CTNND2: variants seen among roughly 807,000 people sequenced by gnomAD.
CTNND2 encodes catenin delta-2.
Under a neutral mutation model 144.4 loss-of-function variants are expected in CTNND2, and 22 were observed. That is an observed-to-expected ratio of 0.15 (90% CI 0.11 to 0.22). The LOEUF is 0.22. Ranked by LOEUF, CTNND2 falls within the 10% of genes least tolerant of loss-of-function variation. The pLI, the probability that CTNND2 is intolerant of heterozygous loss-of-function variation, is 1.00. For missense variants in CTNND2, 1,353 were observed against 1,618.8 expected (o/e 0.84, Z 2.82); for synonymous variants, 751 against 695.6 (o/e 1.08, Z -1.25).
chr5:10,987,111 TA>T (rs1181847685), intron 20 of CTNND2, among the ~76,000 whole-genome samples: 2 of 152,200 alleles, frequency 1.3e-5, no homozygotes, highest in African/African-American at 2.4e-5. Context: ...GCCCATGTGG[TA>T]AAGAGGATGT....
At position 11,518,115 on chromosome 5, in the gene CTNND2, G is replaced by A. The variant is rs1051867303; in HGVS notation, c.287+46829C>T. The stretch of plus-strand genomic sequence containing the variant: ...ACAACATTTTGGTTAACAATGGGCC[G>A]CATATAAGATGGTGGTCCCATAGAA... On this transcript the variant is annotated intron_variant, in intron 3 of 21. Coordinates refer to ENST00000304623, the MANE Select transcript of CTNND2 (RefSeq NM_001332.4). 1.1e-4 allele frequency among the ~76,000 whole-genome samples: 17 copies of A among 152,268 alleles called. No homozygotes were observed. The South Asian group carries it at 3.5e-3, about 32-fold the overall frequency.
At chr5:11,324,444 A>T (rs73743760) in intron 9 of CTNND2, among the ~76,000 whole-genome samples, 17,048 of 152,180 alleles carry the variant, frequency 0.11, 1,888 homozygotes, top group African/African-American at 0.29. Flanking sequence ...TTAGTAAGCC[A>T]TCATATACTC....
chr5:11,024,734 C>T (rs1742642225), intron 16 of CTNND2, among the ~76,000 whole-genome samples: 1 of 152,146 alleles, frequency 6.6e-6, no homozygotes, highest in African/African-American at 2.4e-5. Flanking sequence ...AAGAATTTGG[C>T]TGTAGCATTT....
At chr5:11,233,827 GT>G (rs1193035574) in intron 10 of CTNND2, among the ~76,000 whole-genome samples, 1 of 152,058 alleles carries the variant, frequency 6.6e-6, no homozygotes, top group Admixed American at 6.6e-5. Context: ...CTTCCTCTGT[GT>G]TTTATTTAAG....
intron 1 of CTNND2, among the ~76,000 whole-genome samples, chr5:11,741,683 C>T (rs575968624): frequency 9.9e-5 from 15 of 151,020 alleles, no homozygotes; most frequent in East Asian, 9.7e-4. Context: ...CAAACCTGCA[C>T]GTTGTACACA....
intron 9 of CTNND2, among the ~76,000 whole-genome samples, chr5:11,322,262 C>T (rs258837): frequency 0.039 from 5,862 of 152,214 alleles, 391 homozygotes; most frequent in African/African-American, 0.13. Context: ...ATTTTCACTT[C>T]ATGTGTTGCA....
At chr5:11,132,197 G>T (rs1219468660) in intron 12 of CTNND2, among the ~76,000 whole-genome samples, 1 of 152,142 alleles carries the variant, frequency 6.6e-6, no homozygotes, top group Non-Finnish European at 1.5e-5. Context: ...CTGCTCACTG[G>T]GGGGCTAAGT....
chr5:11,647,699 G>A (rs994507862), intron 2 of CTNND2, among the ~76,000 whole-genome samples: 9 of 151,902 alleles, frequency 5.9e-5, no homozygotes, highest in South Asian at 4.2e-4. Context: ...AACCATTGGC[G>A]ACCTTCTCAA....
intron 3 of CTNND2, among the ~76,000 whole-genome samples, chr5:11,462,593 C>A (rs1036901655): frequency 6.6e-6 from 1 of 151,060 alleles, no homozygotes; most frequent in Non-Finnish European, 1.5e-5. Context: ...AAACAGGTTA[C>A]GATGAGGAGA....
At chr5:11,376,075 C>T (rs748379829) in intron 7 of CTNND2, among the ~76,000 whole-genome samples, 9 of 152,030 alleles carry the variant, frequency 5.9e-5, no homozygotes, top group Non-Finnish European at 1.3e-4. Flanking sequence ...CAAGAAGGGG[C>T]CATCGATGAG....
chr5:11,851,264 C>CGT (rs1253211407), intron 1 of CTNND2, among the ~76,000 whole-genome samples: 1 of 151,102 alleles, frequency 6.6e-6, no homozygotes, highest in Non-Finnish European at 1.5e-5. Flanking sequence ...CTAATACATG[C>CGT]GTGTGTGTGC....
intron 3 of CTNND2, among the ~76,000 whole-genome samples, chr5:11,530,434 C>G (rs540838960): frequency 2.0e-5 from 3 of 152,248 alleles, no homozygotes; most frequent in Admixed American, 6.5e-5. Context: ...GGGGAAGTCC[C>G]CCTCCCTGCT....
intron 14 of CTNND2, among the ~76,000 whole-genome samples, chr5:11,099,224 A>T (rs930294154): frequency 6.6e-6 from 1 of 152,236 alleles, no homozygotes; most frequent in African/African-American, 2.4e-5. Flanking sequence ...AATTTGTTAC[A>T]TGTATACAAA....
chr5:11,592,884 A>C (rs1779323744), intron 2 of CTNND2, among the ~76,000 whole-genome samples: 1 of 151,440 alleles, frequency 6.6e-6, no homozygotes, highest in Admixed American at 6.6e-5. Context: ...GCAGTCATAA[A>C]GATTGTGTGG....
intron 3 of CTNND2, among the ~76,000 whole-genome samples, chr5:11,492,936 G>T (rs115955459): frequency 0.016 from 2,388 of 151,910 alleles, 59 homozygotes; most frequent in African/African-American, 0.055. Flanking sequence ...GCTAGGTAGG[G>T]TTGTGGGTGC....
chr5:11,326,421 AGG>A (rs1752526110), intron 9 of CTNND2, among the ~76,000 whole-genome samples: 1 of 152,150 alleles, frequency 6.6e-6, no homozygotes, highest in Non-Finnish European at 1.5e-5. Context: ...GAGTCAGGGA[AGG>A]GCCAGTAGAC....
intron 2 of CTNND2, among the ~76,000 whole-genome samples, chr5:11,612,139 CT>C (rs1216571551): frequency 3.3e-5 from 5 of 152,140 alleles, no homozygotes; most frequent in African/African-American, 9.7e-5. Flanking sequence ...TATGATCAGG[CT>C]GATAGATAGG....
chr5:11,851,889 C>T (rs974304594), intron 1 of CTNND2, among the ~76,000 whole-genome samples: 5 of 152,144 alleles, frequency 3.3e-5, no homozygotes, highest in African/African-American at 7.2e-5. Context: ...TAAATGCAGT[C>T]GATGCTTTCT....
intron 1 of CTNND2, among the ~76,000 whole-genome samples, chr5:11,850,110 A>G (rs1794945514): frequency 1.3e-5 from 2 of 152,168 alleles, no homozygotes; most frequent in African/African-American, 2.4e-5. Context: ...TAAAATTACA[A>G]TAAAAAAGTA....
Sources: allele counts gnomAD v4.1 joint callset (sites outside exome capture counted in the v4.1 genomes callset), GRCh38; gene constraint gnomAD v4.1.1; transcripts MANE v1.5; gene names NCBI Gene and HGNC (gene_info 2026-07-23, HGNC 2026-07-21).